Variants in ACIN1 observed in about 807,000 individuals in gnomAD.
ACIN1 encodes apoptotic chromatin condensation inducer 1.
In ACIN1, 16 loss-of-function variants were observed where a neutral mutation model predicts 146.6. That is an observed-to-expected ratio of 0.11 (90% CI 0.07 to 0.17). ACIN1 has a LOEUF of 0.17. Among genes scored for constraint, ACIN1 ranks in the 10% least tolerant of loss-of-function variants. ACIN1 has a pLI of 1.00. For missense variants in ACIN1, 1,357 were observed against 1,609.3 expected (o/e 0.84, Z 2.68); for synonymous variants, 569 against 582.7 (o/e 0.98, Z 0.34).
chr14:23,077,707 C>T (rs1357238378), intron 8 of ACIN1: 2 of 154,862 alleles, frequency 1.3e-5, no homozygotes, highest in Non-Finnish European at 2.9e-5. Context: ...AGCTTAATGA[C>T]AGGTAGTAAC....
At chr14:23,083,061 T>A (rs78711678) in intron 4 of ACIN1, among the ~76,000 whole-genome samples, 1 of 150,492 alleles carries the variant, frequency 6.6e-6, no homozygotes, top group South Asian at 2.1e-4. Flanking sequence ...TTTTTTTTTT[T>A]AAGGAAAAAA....
chr14:23,090,371 T>C (rs1392772216), intron 3 of ACIN1, 151 bp downstream of exon 3: 11 of 807,990 alleles, frequency 1.4e-5, no homozygotes, highest in Non-Finnish European at 2.1e-5. Context: ...AAGTAAATAG[T>C]AAACCACTTG....
chr14:23,081,932 C>A, intron 4 of ACIN1, 96 bp from the exon 5 acceptor site: 2 of 890,088 alleles, frequency 2.2e-6, no homozygotes, highest in South Asian at 1.6e-5. Context: ...CCAATTATAG[C>A]ATATGAGCCT....
chr14:23,084,195 CCTT>C (rs1204329364), intron 4 of ACIN1, among the ~76,000 whole-genome samples: 1 of 152,188 alleles, frequency 6.6e-6, no homozygotes, highest in Non-Finnish European at 1.5e-5. Flanking sequence ...TCCTCCCCCT[CCTT>C]GGCCTCCCAA....
rs2047911265 is a variant in ACIN1, at chr14:23,080,332, T to A, written c.1003A>T (p.Thr335Ser). ...KSKSPSPPRLTEDRKKASLVA... is the reference protein window; with the variant it reads ...KSKSPSPPRLSEDRKKASLVA... ...AGTGAGGCCTTCTTTCGATCTTCAG[T>A]CAGTCGAGGAGGGGAAGGAGACTTC... Residue 335 changes from threonine to serine, a missense_variant, in exon 6 of 19, where the codon ACT becomes TCT. This residue lies in a region of ACIN1 where 771 missense variants were observed against 746.6 expected (regional missense o/e 1.03). Transcript: ENST00000605057. The A allele has an allele frequency of 1.2e-6, 2 of 1,614,206 alleles. No individual in the cohort carries two copies. The highest frequency in any genetic ancestry group is 8.5e-7 in the Non-Finnish European group (1 of 1,180,026).
chr14:23,063,656 A>G (rs57315948), intron 12 of ACIN1, 79 bp from the exon 13 acceptor site: 561,676 of 1,540,914 alleles, frequency 0.36, 105,965 homozygotes, highest in African/African-American at 0.62. Flanking sequence ...GTTCCCCGGT[A>G]AGAGTAGCAG....
At position 23,079,959 on chromosome 14, in the gene ACIN1, T is replaced by C. The variant is rs1405524651; in HGVS notation, c.1376A>G (p.Asp459Gly). Residue 459 changes from aspartate to glycine, a missense_variant, in exon 6 of 19, where the codon GAT becomes GGT. By Grantham distance (94) the Asp-to-Gly change is moderately conservative (BLOSUM62 -1). Around this residue, in one of 4 missense-constraint regions of ACIN1, gnomAD observed 771 missense variants for 746.6 expected, o/e 1.03. Transcript: ENST00000605057. ...STLADYSAQK[D>G]LEPESDRSAQ... ...AGATCTGTCTGACTCAGGTTCAAGA[T>C]CCTTCTGGGCTGAGTAGTCAGCCAG... is the stretch of plus-strand genomic sequence containing the variant. 6.2e-7 allele frequency: 1 copy of C among 1,613,962 alleles called. No individual in the cohort carries two copies. The highest frequency in any genetic ancestry group is 1.3e-5 in the African/African-American group (1 of 74,900).
In ACIN1 at chr14:23,063,300, A is replaced by G. The variant is rs973918552; in HGVS notation, c.2737+136T>C. On this transcript the variant is annotated intron_variant, in intron 13 of 18. Transcript: ENST00000605057. Reference sequence around the variant, plus strand: ...ATCTGGCCCTCAAGTAGCTTACTTAATATGTAGGAGAAAGATATGATATAC... The same window carrying G: ...ATCTGGCCCTCAAGTAGCTTACTTAGTATGTAGGAGAAAGATATGATATAC... 3 of 1,256,466 alleles carry G rather than the reference A, an allele frequency of 2.4e-6. No homozygotes were observed. In the East Asian group the frequency reaches 7.5e-5, roughly 32 times the overall value. 77.8% of individuals were successfully genotyped at this position (1,256,466 alleles called of 1,614,324 possible).
chr14:23,092,432 A>G lies in ACIN1; in HGVS notation c.204+1047T>C, dbSNP rs2048253133. Among the ~76,000 whole-genome samples, 7 of 152,254 alleles carry G rather than the reference A, an allele frequency of 4.6e-5. No homozygotes were observed. In the South Asian group the frequency reaches 1.4e-3, roughly 32 times the overall value. ...CTAACATGCAATGGGCAAAAGGAAT[A>G]CAATTAAGCTGATTAACTTATGCAG... On this transcript the variant is annotated intron_variant, in intron 2 of 18. Transcript: ENST00000605057.
rs2047173343 is a variant in ACIN1, at chr14:23,058,736, C to T, written c.*412G>A. On this transcript the variant is annotated 3_prime_UTR_variant, in exon 19 of 19. Coordinates refer to ENST00000605057, the MANE Select transcript of ACIN1 (RefSeq NM_001386863.1). ...ACTGGGAACTGCAGGGGCCCTGGGACTCAGGAGGAGATGCTGATTCAGCTC... is the reference window on the plus strand; with the variant it reads ...ACTGGGAACTGCAGGGGCCCTGGGATTCAGGAGGAGATGCTGATTCAGCTC... 1 of 205,232 alleles carries T rather than the reference C, an allele frequency of 4.9e-6. No homozygotes were observed. The highest frequency in any genetic ancestry group is 2.3e-5 in the African/African-American group (1 of 43,974). The allele number at this position is 205,232 out of a possible 1,614,324, so 12.7% of individuals were successfully genotyped here.
At chr14:23,064,965 T>A (rs989876879) in intron 10 of ACIN1, among the ~76,000 whole-genome samples, 1 of 151,334 alleles carries the variant, frequency 6.6e-6, no homozygotes, top group Non-Finnish European at 1.5e-5. Flanking sequence ...TGAACACTGA[T>A]CTAAAAGCAG....
chr14:23,072,957 T>C (rs1194764752), intron 8 of ACIN1, among the ~76,000 whole-genome samples: 4 of 152,240 alleles, frequency 2.6e-5, no homozygotes, highest in Non-Finnish European at 5.9e-5. Context: ...ACAATACCTA[T>C]TTCATGGAAC....
chr14:23,067,446 C>T lies in ACIN1; in HGVS notation c.2266-1438G>A, dbSNP rs985616158. ...GGGTTGGGTTGGCAAAAAAGGTGGG[C>T]GCACGGCGTGGTAGTCAGCACGGCA... On this transcript the variant is annotated intron_variant, in intron 9 of 18. Coordinates refer to ENST00000605057, the MANE Select transcript of ACIN1 (RefSeq NM_001386863.1). The surrounding 1 kb of genome is among the most constrained non-coding windows in gnomAD (Gnocchi z 4.6). The T allele has an allele frequency of 7.1e-6, 7 of 983,016 alleles. No individual in the cohort carries two copies. Among genetic ancestry groups the T allele is most frequent in the South Asian group, 4.7e-5 (1 of 21,128 alleles). The allele number at this position is 983,016 out of a possible 1,614,324, so 60.9% of individuals were successfully genotyped here.
rs775442241 is a variant in ACIN1 at position 23,080,672 on chromosome 14, C to T, written c.663G>A (p.Glu221=). 23 of 1,409,138 alleles carry T rather than the reference C, an allele frequency of 1.6e-5. No homozygotes were observed. Among genetic ancestry groups the T allele is most frequent in the African/African-American group, 1.3e-4 (7 of 55,574 alleles). 87.3% of individuals were successfully genotyped at this position (1,409,138 alleles called of 1,614,324 possible). Residue 221 remains glutamate, a synonymous_variant, in exon 6 of 19, where the codon GAG becomes GAA. Transcript: ENST00000605057. ...CTTCCTCTTCTTCATCATCTTCTTC[C>T]TCCTCCTCCTCCTCCTCTTCTTCCT... The part of the protein sequence containing the change: ...TEEEEEEEEE[E]EEDDEEEEGD...
intron 4 of ACIN1, among the ~76,000 whole-genome samples, chr14:23,084,830 C>T (rs1035084816): frequency 1.4e-4 from 21 of 152,096 alleles, no homozygotes; most frequent in African/African-American, 4.8e-4. Flanking sequence ...CTTTAGCAAA[C>T]ATTTGAAGAC....
rs540572389 is a variant in ACIN1 at position 23,065,594 on chromosome 14, AAAC to A, written c.2308+369_2308+371del. Among the ~76,000 whole-genome samples, 124 of 152,366 alleles carry A rather than the reference AAAC, an allele frequency of 8.1e-4. 1 individual carries two copies. Among genetic ancestry groups the A allele is most frequent in the Admixed American group, 1.4e-3 (22 of 15,308 alleles). On this transcript the variant is annotated intron_variant, in intron 10 of 18. Transcript: ENST00000605057. ...TACAGAGGGAGACTCCGTCTCAAAA[AAAC>A]AACAACAAAATACCCAGAATAATTC...
rs531543461 is a variant in ACIN1 at position 23,076,135 on chromosome 14, T to TAATCA, written c.2123+2015_2123+2016insTGATT. Reference sequence around the variant, plus strand: ...ACCAGGAAGGGTGTTGTTAATCAGTTGTGGTAGGGCCTCCAGAAATGTATG... The same window carrying TAATCA: ...ACCAGGAAGGGTGTTGTTAATCAGTTAATCAGTGGTAGGGCCTCCAGAAATGTATG... On this transcript the variant is annotated intron_variant, in intron 8 of 18. Transcript: ENST00000605057. 1.1e-4 allele frequency among the ~76,000 whole-genome samples: 16 copies of TAATCA among 152,316 alleles called. No homozygotes were observed. In the South Asian group the frequency reaches 3.1e-3, roughly 30 times the overall value.
intron 18 of ACIN1, 133 bp downstream of exon 18, chr14:23,060,951 T>G: frequency 1.2e-6 from 1 of 816,200 alleles, no homozygotes; most frequent in South Asian, 1.6e-5. Context: ...AACTGCCTTT[T>G]TGTGATGCTT....
intron 12 of ACIN1, among the ~76,000 whole-genome samples, chr14:23,063,849 A>G (rs2047366880): frequency 6.6e-6 from 1 of 152,224 alleles, no homozygotes; most frequent in Admixed American, 6.5e-5. Flanking sequence ...GCAACTACTC[A>G]ACTCTGGTGA....
Sources: gnomAD v4.1 joint callset for allele counts (sites outside exome capture counted in the v4.1 genomes callset) on GRCh38, gnomAD v4.1.1 for gene constraint, gnomAD v4.1.1 regional missense constraint, Gnocchi (gnomAD v3.1) non-coding constraint, MANE v1.5 for transcripts, NCBI Gene and HGNC (gene_info 2026-07-23, HGNC 2026-07-21) for gene names.